The following ROBO2 variants were observed in gnomAD, a reference collection of about 807,000 sequenced individuals.
ROBO2 encodes the protein roundabout guidance receptor 2, also known as roundabout homolog 2.
A neutral mutation model predicts 160.8 loss-of-function variants in ROBO2; 53 were observed. The ratio of observed to expected loss-of-function variants is 0.33; its 90% CI spans 0.26 to 0.41. The LOEUF is 0.41. ROBO2 is among the 10% of genes least tolerant of loss of function. The probability of loss-of-function intolerance (pLI) is 1.00; values close to 1 mark genes in which losing one functional copy is unlikely to be tolerated. For synonymous variants in ROBO2, 664 were observed against 611.7 expected, an observed-to-expected ratio of 1.09 and a Z score of -1.26; for missense variants, 1,577 against 1,722.4, an observed-to-expected ratio of 0.92 and a Z score of 1.49.
intron 2 of ROBO2, among the ~76,000 whole-genome samples, chr3:76,211,292 G>C (rs1374809817): frequency 2.0e-5 from 3 of 152,062 alleles, no homozygotes; most frequent in East Asian, 3.8e-4. Context: ...TAAACATATA[G>C]AGTGAAGAGC....
chr3:77,133,433 C>A (rs2076020468), intron 2 of ROBO2, among the ~76,000 whole-genome samples: 2 of 152,230 alleles, frequency 1.3e-5, no homozygotes, highest in South Asian at 2.1e-4. Flanking sequence ...AATCAAATAA[C>A]AACTCTATTA....
chr3:76,864,551 C>G (rs2071151780), intron 2 of ROBO2, among the ~76,000 whole-genome samples: 1 of 152,010 alleles, frequency 6.6e-6, no homozygotes, highest in Non-Finnish European at 1.5e-5. Context: ...CCATTTCTTA[C>G]TCCCAGCATG....
At chr3:76,861,112 T>C (rs1472068140) in intron 2 of ROBO2, among the ~76,000 whole-genome samples, 4 of 152,140 alleles carry the variant, frequency 2.6e-5, no homozygotes, top group African/African-American at 9.7e-5. Context: ...CACTTTGAAA[T>C]TTTGTCCCTT....
At chr3:77,533,252 C>T (rs2091877946) in intron 6 of ROBO2, among the ~76,000 whole-genome samples, 1 of 152,120 alleles carries the variant, frequency 6.6e-6, no homozygotes, top group South Asian at 2.1e-4. Context: ...TCCTATAAGA[C>T]TCTCTCCTCA....
chr3:77,085,541 A>G (rs1316226471), intron 1 of ROBO2, among the ~76,000 whole-genome samples: 1 of 152,056 alleles, frequency 6.6e-6, no homozygotes, highest in Non-Finnish European at 1.5e-5. Flanking sequence ...GTGAAAATCC[A>G]TTCATTGTCA....
intron 2 of ROBO2, among the ~76,000 whole-genome samples, chr3:76,398,682 C>G (rs979434199): frequency 6.6e-6 from 1 of 151,190 alleles, no homozygotes; most frequent in Non-Finnish European, 1.5e-5. Flanking sequence ...GTAGTATATT[C>G]TAAACTAAAT....
intron 2 of ROBO2, among the ~76,000 whole-genome samples, chr3:76,143,736 T>A (rs900404680): frequency 6.6e-6 from 1 of 151,974 alleles, no homozygotes; most frequent in Non-Finnish European, 1.5e-5. Context: ...AAGAGATGGA[T>A]TATCAATACA....
intron 2 of ROBO2, among the ~76,000 whole-genome samples, chr3:77,146,333 C>T (rs1001055093): frequency 2.0e-5 from 3 of 152,116 alleles, no homozygotes; most frequent in African/African-American, 7.2e-5. Context: ...GTCATTACTA[C>T]AGAGGAGACA....
At chr3:77,245,985 A>C (rs2089674856) in intron 2 of ROBO2, among the ~76,000 whole-genome samples, 1 of 152,244 alleles carries the variant, frequency 6.6e-6, no homozygotes, top group Non-Finnish European at 1.5e-5. Context: ...TTTACTGATT[A>C]AATCAGAATT....
intron 2 of ROBO2, among the ~76,000 whole-genome samples, chr3:77,209,289 C>T (rs1056521451): frequency 6.6e-6 from 1 of 152,008 alleles, no homozygotes; most frequent in East Asian, 1.9e-4. Flanking sequence ...AATCAAAAAA[C>T]ATCTCTGTTG....
At chr3:76,761,166 A>T (rs533445325) in intron 2 of ROBO2, among the ~76,000 whole-genome samples, 21 of 151,928 alleles carry the variant, frequency 1.4e-4, no homozygotes, top group African/African-American at 4.3e-4. Context: ...AAACACAAAT[A>T]GCAGTGGACA....
chr3:76,865,466 C>T (rs1444625835), intron 2 of ROBO2, among the ~76,000 whole-genome samples: 2 of 152,026 alleles, frequency 1.3e-5, no homozygotes, highest in African/African-American at 4.8e-5. Flanking sequence ...TAGCAATTGT[C>T]CACGGACCAC....
At chr3:76,245,936 A>G (rs1377073544) in intron 2 of ROBO2, among the ~76,000 whole-genome samples, 1 of 152,210 alleles carries the variant, frequency 6.6e-6, no homozygotes, top group Non-Finnish European at 1.5e-5. Flanking sequence ...AAGGAGAATT[A>G]GAATGACCCA....
intron 23 of ROBO2, chr3:77,630,513 C>T (rs1022590013): frequency 1.4e-5 from 2 of 147,460 alleles, no homozygotes; most frequent in East Asian, 2.2e-4. Context: ...AAGTCCCCCC[C>T]TTGACACATG....
At chr3:76,186,683 A>C (rs1701779823) in intron 2 of ROBO2, among the ~76,000 whole-genome samples, 1 of 152,132 alleles carries the variant, frequency 6.6e-6, no homozygotes. Flanking sequence ...CAATAATAAA[A>C]ACATCTCTTG....
rs1003956191 is a variant in ROBO2 at position 76,834,421 on chromosome 3, G to C, written c.110-263593G>C. ...ACTCTGTTGCCCAGGCTGGAGTGCA[G>C]GGGCACCATCTTGGATCACTGGCTC... On this transcript the variant is annotated intron_variant, in intron 2 of 26. Transcript: ENST00000487694. 5.9e-5 allele frequency among the ~76,000 whole-genome samples: 9 copies of C among 151,922 alleles called. 1 individual carries two copies. The highest frequency in any genetic ancestry group is 3.4e-3 in the Middle Eastern group (1 of 294).
chr3:76,807,468 C>T (rs1019047122), intron 2 of ROBO2, among the ~76,000 whole-genome samples: 5 of 152,054 alleles, frequency 3.3e-5, no homozygotes, highest in African/African-American at 4.8e-5. Context: ...CAGACATGTT[C>T]ATTGATAAGA....
intron 2 of ROBO2, among the ~76,000 whole-genome samples, chr3:77,344,890 C>T (rs565050450): frequency 5.9e-5 from 9 of 152,016 alleles, no homozygotes; most frequent in African/African-American, 2.2e-4. Flanking sequence ...TTGATATATT[C>T]CTTATTTATT....
rs570915830 is a variant in ROBO2, at chr3:76,960,461, A to G, written c.110-137553A>G. 5.8e-4 allele frequency among the ~76,000 whole-genome samples: 87 copies of G among 150,900 alleles called. 2 individuals are homozygous for G. The South Asian group carries it at 0.017, about 30-fold the overall frequency. ...CATATATCTGTATCTATATATATAT[A>G]GCATGTAAATTAACCTTCAATAAAT... On this transcript the variant is annotated intron_variant, in intron 2 of 26. Coordinates refer to the ROBO2 transcript ENST00000487694.
Sources: allele counts gnomAD v4.1 joint callset (sites outside exome capture counted in the v4.1 genomes callset), GRCh38; gene constraint gnomAD v4.1.1; transcripts MANE v1.5; gene names NCBI Gene and HGNC (gene_info 2026-07-23, HGNC 2026-07-21).